Variants in SLIT3 observed in about 807,000 individuals in gnomAD.
SLIT3 encodes slit homolog 3 protein.
A neutral mutation model predicts 184.0 loss-of-function variants in SLIT3; 68 were observed. The observed-to-expected ratio is 0.37, with a 90% confidence interval of 0.30 to 0.45. The LOEUF is 0.45. Ranked by LOEUF, SLIT3 falls within the 20% of genes least tolerant of loss-of-function variation. SLIT3 has a pLI of 1.00. For synonymous variants in SLIT3, 831 were observed against 828.6 expected (o/e 1.00, Z -0.05); for missense variants, 1,707 against 2,026.0 (o/e 0.84, Z 3.02).
chr5:168,692,736 C>A (rs749454576), intron 28 of SLIT3, 36 bp from the exon 29 acceptor site: 1 of 1,518,224 alleles, frequency 6.6e-7, no homozygotes, highest in Non-Finnish European at 9.1e-7. Context: ...AGGCCTCAGG[C>A]AGGGTAGGGA....
At chr5:169,240,845 T>G (rs560706173) in intron 3 of SLIT3, among the ~76,000 whole-genome samples, 7 of 151,396 alleles carry the variant, frequency 4.6e-5, no homozygotes, top group African/African-American at 1.4e-4. Flanking sequence ...CATACTGTGC[T>G]CCTTTCCCCT....
chr5:168,911,683 T>A (rs1761258449), intron 4 of SLIT3, among the ~76,000 whole-genome samples: 1 of 152,180 alleles, frequency 6.6e-6, no homozygotes, highest in South Asian at 2.1e-4. Flanking sequence ...GCATATAAGA[T>A]GTCGGGATCA....
In SLIT3 at chr5:169,176,090, T is replaced by C. The variant is rs548606145; in HGVS notation, c.413+17389A>G. Among the ~76,000 whole-genome samples, 4 of 152,306 alleles carry C rather than the reference T, an allele frequency of 2.6e-5. No individual in the cohort carries two copies. In the East Asian group the frequency reaches 7.7e-4, roughly 29 times the overall value. The stretch of plus-strand genomic sequence containing the variant: ...ACAGCTAAAGTACTTCTGGGCCTGC[T>C]CCACCACCAAGCCCACAGTGAGTGC... On this transcript the variant is annotated intron_variant, in intron 4 of 35. Coordinates refer to ENST00000519560, the MANE Select transcript of SLIT3 (RefSeq NM_003062.4).
intron 4 of SLIT3, among the ~76,000 whole-genome samples, chr5:169,139,482 T>C (rs1017736822): frequency 1.3e-5 from 2 of 152,206 alleles, no homozygotes; most frequent in East Asian, 1.9e-4. Flanking sequence ...TCAGGGAGCA[T>C]GCCTGGGTTA....
intron 9 of SLIT3, among the ~76,000 whole-genome samples, chr5:168,799,376 G>C (rs1257407503): frequency 6.6e-6 from 1 of 152,156 alleles, no homozygotes; most frequent in Non-Finnish European, 1.5e-5. Context: ...CACTCTTCAG[G>C]CTGCAAACTG....
At chr5:169,246,025 T>C (rs1765575830) in intron 2 of SLIT3, among the ~76,000 whole-genome samples, 1 of 152,172 alleles carries the variant, frequency 6.6e-6, no homozygotes, top group African/African-American at 2.4e-5. Flanking sequence ...ACACCGATTG[T>C]ATATGTGTCT....
intron 4 of SLIT3, among the ~76,000 whole-genome samples, chr5:169,062,674 G>T (rs112670569): frequency 3.7e-3 from 556 of 152,298 alleles, no homozygotes; most frequent in Non-Finnish European, 6.0e-3. Flanking sequence ...TCATGTGTTT[G>T]GTTTGTATGG....
intron 4 of SLIT3, among the ~76,000 whole-genome samples, chr5:168,904,486 TAAC>T (rs1395902465): frequency 4.1e-5 from 3 of 72,572 alleles, no homozygotes; most frequent in South Asian, 1.5e-3. Flanking sequence ...ACTTTAGAAA[TAAC>T]AATAATAATA....
intron 5 of SLIT3, among the ~76,000 whole-genome samples, chr5:168,846,509 G>C (rs1581140678): frequency 6.6e-6 from 1 of 152,226 alleles, no homozygotes; most frequent in Non-Finnish European, 1.5e-5. Context: ...CATCAGCTTA[G>C]AGGCCGGTGA....
At chr5:168,900,017 G>A (rs2113825593) in intron 4 of SLIT3, among the ~76,000 whole-genome samples, 1 of 152,216 alleles carries the variant, frequency 6.6e-6, no homozygotes, top group East Asian at 1.9e-4. Context: ...TGCAAAATAA[G>A]GCATACAAAT....
intron 4 of SLIT3, among the ~76,000 whole-genome samples, chr5:169,080,890 T>C (rs1365025741): frequency 2.0e-5 from 3 of 152,078 alleles, no homozygotes; most frequent in South Asian, 2.1e-4. Flanking sequence ...TGAACAACCA[T>C]TGATCATATT....
intron 1 of SLIT3, among the ~76,000 whole-genome samples, chr5:169,288,466 G>A (rs1381514540): frequency 1.3e-5 from 2 of 152,064 alleles, no homozygotes; most frequent in Non-Finnish European, 2.9e-5. Context: ...ATTCCTGAGG[G>A]TTTGGTGCTA....
intron 20 of SLIT3, among the ~76,000 whole-genome samples, chr5:168,733,180 AT>A (rs1187341493): frequency 2.0e-5 from 3 of 152,156 alleles, no homozygotes; most frequent in African/African-American, 7.2e-5. Context: ...GGTCAAACAT[AT>A]GAAAAATGCT....
chr5:168,800,404 G>A (rs1296986197), intron 9 of SLIT3, among the ~76,000 whole-genome samples: 1 of 152,096 alleles, frequency 6.6e-6, no homozygotes, highest in East Asian at 1.9e-4. Flanking sequence ...TGGCCAACAC[G>A]GTGAAACCCA....
intron 4 of SLIT3, among the ~76,000 whole-genome samples, chr5:169,185,623 G>A (rs1159275234): frequency 6.6e-6 from 1 of 152,150 alleles, no homozygotes; most frequent in Non-Finnish European, 1.5e-5. Flanking sequence ...GACACATTTT[G>A]CTTGTAGTTA....
chr5:169,266,872 G>T (rs1766413845), intron 1 of SLIT3, among the ~76,000 whole-genome samples: 1 of 152,084 alleles, frequency 6.6e-6, no homozygotes, highest in South Asian at 2.1e-4. Flanking sequence ...TGATCCCCTA[G>T]GGTCACAATA....
intron 29 of SLIT3, among the ~76,000 whole-genome samples, chr5:168,690,703 A>G (rs1005173890): frequency 5.3e-5 from 8 of 152,158 alleles, no homozygotes; most frequent in Non-Finnish European, 1.0e-4. Flanking sequence ...ACTGCCTAAA[A>G]GTCCCACCTG....
intron 4 of SLIT3, among the ~76,000 whole-genome samples, chr5:168,939,549 T>C (rs1047546383): frequency 5.3e-5 from 8 of 152,318 alleles, no homozygotes; most frequent in African/African-American, 1.9e-4. Context: ...AAACCAAGCA[T>C]TGTAAACACA....
intron 4 of SLIT3, among the ~76,000 whole-genome samples, chr5:168,934,325 T>C (rs1762084772): frequency 6.6e-6 from 1 of 152,218 alleles, no homozygotes; most frequent in African/African-American, 2.4e-5. Context: ...TCCTCTTTGC[T>C]GGTTGAGATT....
Sources: allele counts gnomAD v4.1 joint callset (sites outside exome capture counted in the v4.1 genomes callset), GRCh38; gene constraint gnomAD v4.1.1; transcripts MANE v1.5; gene names NCBI Gene and HGNC (gene_info 2026-07-23, HGNC 2026-07-21).